The following CDYL2 variants were observed in gnomAD, a reference collection of about 807,000 sequenced individuals.
CDYL2 encodes the protein chromodomain Y-like protein 2.
CDYL2 carries 23 observed loss-of-function variants against 49.4 expected under a neutral mutation model. The observed-to-expected ratio is 0.47, with a 90% CI of 0.34 to 0.66. The LOEUF is 0.66. Ranked by LOEUF, CDYL2 falls within the 30% of genes least tolerant of loss-of-function variation. The pLI, the probability that CDYL2 is intolerant of heterozygous loss-of-function variation, is 0.01. For synonymous variants in CDYL2, 360 were observed against 268.8 expected (o/e 1.34, Z -3.32); for missense variants, 678 against 656.4 (o/e 1.03, Z -0.36).
chr16:80,671,671 C>T (rs1244099220), intron 2 of CDYL2, among the ~76,000 whole-genome samples: 1 of 152,212 alleles, frequency 6.6e-6, no homozygotes, highest in Non-Finnish European at 1.5e-5. Flanking sequence ...AAAAGCTCAG[C>T]TTCAGTGGAG....
rs1298787141 is a variant in CDYL2, at chr16:80,780,525, C to A, written c.24+23625G>T. On this transcript the variant is annotated intron_variant, in intron 1 of 6. Transcript: ENST00000570137. The stretch of plus-strand genomic sequence containing the variant: ...GTTCACGCCATTCTCCTGCCTCAGC[C>A]TCCCAAGTAGCTGGGATTACAGGCA... 2.0e-5 allele frequency among the ~76,000 whole-genome samples: 3 copies of A among 151,568 alleles called. No homozygotes were observed. In the East Asian group the frequency reaches 5.8e-4, roughly 29 times the overall value.
chr16:80,762,281 G>A (rs988714507), intron 1 of CDYL2, among the ~76,000 whole-genome samples: 1 of 152,232 alleles, frequency 6.6e-6, no homozygotes, highest in Non-Finnish European at 1.5e-5. Context: ...GTCGCAGAGT[G>A]AAATTCTGAC....
chr16:80,773,690 G>A (rs996334388), intron 1 of CDYL2, among the ~76,000 whole-genome samples: 4 of 151,852 alleles, frequency 2.6e-5, no homozygotes, highest in African/African-American at 4.8e-5. Context: ...AATATACGTC[G>A]AAACAAAAAT....
At chr16:80,629,127 A>T (rs775546611) in intron 3 of CDYL2, among the ~76,000 whole-genome samples, 1 of 152,174 alleles carries the variant, frequency 6.6e-6, no homozygotes, top group Non-Finnish European at 1.5e-5. Context: ...TCTGACTGTC[A>T]GCCAGGGTAA....
At chr16:80,634,885 T>A (rs915452592) in intron 2 of CDYL2, among the ~76,000 whole-genome samples, 3 of 152,146 alleles carry the variant, frequency 2.0e-5, no homozygotes, top group Admixed American at 6.5e-5. Context: ...CCCAAAGAAT[T>A]ATACCAAACA....
intron 1 of CDYL2, among the ~76,000 whole-genome samples, chr16:80,790,109 T>C (rs1189035664): frequency 6.6e-6 from 1 of 152,230 alleles, no homozygotes; most frequent in African/African-American, 2.4e-5. Context: ...TTATGAAGCA[T>C]ATTCAAGAAA....
chr16:80,698,703 C>G (rs1169733633), intron 1 of CDYL2, among the ~76,000 whole-genome samples: 2 of 152,096 alleles, frequency 1.3e-5, no homozygotes, highest in Non-Finnish European at 2.9e-5. Context: ...CTCTCTCTTA[C>G]TTCTGCTCCT....
At chr16:80,682,846 A>C (rs1295354724) in intron 2 of CDYL2, among the ~76,000 whole-genome samples, 1 of 152,176 alleles carries the variant, frequency 6.6e-6, no homozygotes, top group Non-Finnish European at 1.5e-5. Context: ...TGAATTTCTA[A>C]AACAAACAGC....
At position 80,632,741 on chromosome 16, in the gene CDYL2, T is replaced by A. The variant is rs572503545; in HGVS notation, c.834+278A>T. ...AGATGTGATGTTTGGATTCTGGGTC[T>A]GCCCCTTGGCTAAGTCTGTGTCCAC... On this transcript the variant is annotated intron_variant, in intron 3 of 6. Coordinates refer to ENST00000570137, the MANE Select transcript of CDYL2 (RefSeq NM_152342.4). The A allele has an allele frequency of 7.5e-6, 3 of 397,796 alleles. No homozygotes were observed. The South Asian group carries it at 1.0e-4, about 14-fold the overall frequency. The allele number at this position is 397,796 out of a possible 1,614,324, so 24.6% of individuals were successfully genotyped here.
intron 1 of CDYL2, among the ~76,000 whole-genome samples, chr16:80,723,396 T>A (rs1905061818): frequency 6.6e-6 from 1 of 152,228 alleles, no homozygotes; most frequent in South Asian, 2.1e-4. Flanking sequence ...GCATTCTGTC[T>A]GTGGCTGAAT....
chr16:80,631,449 G>A (rs1234662496), intron 3 of CDYL2, among the ~76,000 whole-genome samples: 1 of 152,154 alleles, frequency 6.6e-6, no homozygotes, highest in Non-Finnish European at 1.5e-5. Flanking sequence ...GAATGATGTT[G>A]TCAATCTCAC....
chr16:80,620,846 G>A lies in CDYL2; in HGVS notation c.924C>T (p.Cys308=). The change falls in exon 4 of 7, where the codon TGC becomes TGT. Residue 308 remains cysteine (C), a synonymous_variant. Coordinates refer to ENST00000570137, the MANE Select transcript of CDYL2 (RefSeq NM_152342.4). ...TTAGGTAGGAATAATCCAGGCCGCTGCAGAACACGCTCCCCACTGCGCTGA... is the reference window on the plus strand; with the variant it reads ...TTAGGTAGGAATAATCCAGGCCGCTACAGAACACGCTCCCCACTGCGCTGA... The part of the protein sequence containing the change: ...LLLSAVGSVF[C]SGLDYSYLIG... The A allele has an allele frequency of 1.2e-6, 2 of 1,613,664 alleles. No individual in the cohort carries two copies. The highest frequency in any genetic ancestry group is 1.7e-4 in the Middle Eastern group (1 of 6,052).
chr16:80,687,003 G>A (rs1910221456), intron 1 of CDYL2, among the ~76,000 whole-genome samples: 1 of 152,148 alleles, frequency 6.6e-6, no homozygotes, highest in African/African-American at 2.4e-5. Flanking sequence ...TCCAACCTTT[G>A]GGTTAAGGAA....
intron 1 of CDYL2, among the ~76,000 whole-genome samples, chr16:80,716,322 T>A (rs1196371619): frequency 6.6e-6 from 1 of 152,252 alleles, no homozygotes; most frequent in African/African-American, 2.4e-5. Context: ...GCAGGATACA[T>A]GTCTGGTTTT....
rs560066282 is a variant in CDYL2 at position 80,687,578 on chromosome 16, A to C, written c.25-2449T>G. Among the ~76,000 whole-genome samples, 12 of 152,188 alleles carry C rather than the reference A, an allele frequency of 7.9e-5. No homozygotes were observed. In the East Asian group the frequency reaches 2.3e-3, roughly 29 times the overall value. On this transcript the variant is annotated intron_variant, in intron 1 of 6. Transcript: ENST00000570137. ...GATGGCTGGCTGGCTGGCTGGATGGATGGATGGACAGATGTGGGATGGATG... is the reference window on the plus strand; with the variant it reads ...GATGGCTGGCTGGCTGGCTGGATGGCTGGATGGACAGATGTGGGATGGATG...
At position 80,620,829 on chromosome 16, in the gene CDYL2, G is replaced by A; in HGVS notation, c.941C>T (p.Ser314Phe). Residue 314 changes from serine (S) to phenylalanine (F), a missense_variant, in exon 4 of 7, where the codon TCC becomes TTC. Ser to Phe is a radical substitution (Grantham distance 155). Coordinates refer to ENST00000570137, the MANE Select transcript of CDYL2 (RefSeq NM_152342.4). ...GCTGGACAACCGGCCAATTAGGTAGGAATAATCCAGGCCGCTGCAGAACAC... is the reference window on the plus strand; with the variant it reads ...GCTGGACAACCGGCCAATTAGGTAGAAATAATCCAGGCCGCTGCAGAACAC... ...GSVFCSGLDYSYLIGRLSSDR... is the reference protein window; with the variant it reads ...GSVFCSGLDYFYLIGRLSSDR... The A allele has an allele frequency of 6.2e-7, 1 of 1,613,402 alleles. No individual in the cohort carries two copies. The highest frequency in any genetic ancestry group is 2.2e-5 in the East Asian group (1 of 44,832).
chr16:80,753,310 T>TA (rs1005889409), intron 1 of CDYL2, among the ~76,000 whole-genome samples: 8 of 151,524 alleles, frequency 5.3e-5, no homozygotes, highest in Non-Finnish European at 7.4e-5. Context: ...CACCATGTAT[T>TA]AAAAAAATCA....
At chr16:80,722,937 G>A (rs1905047401) in intron 1 of CDYL2, among the ~76,000 whole-genome samples, 1 of 152,248 alleles carries the variant, frequency 6.6e-6, no homozygotes, top group African/African-American at 2.4e-5. Flanking sequence ...GAAGACTCGG[G>A]AGTTGGCCCT....
chr16:80,715,830 C>T (rs1252989144), intron 1 of CDYL2, among the ~76,000 whole-genome samples: 2 of 152,208 alleles, frequency 1.3e-5, no homozygotes, highest in African/African-American at 2.4e-5. Context: ...TGGCCCCAAA[C>T]CTCACCTCAG....
Sources: allele counts gnomAD v4.1 joint callset (sites outside exome capture counted in the v4.1 genomes callset), GRCh38; gene constraint gnomAD v4.1.1; transcripts MANE v1.5; gene names NCBI Gene and HGNC (gene_info 2026-07-23, HGNC 2026-07-21).